SEMA5B: variants seen among roughly 807,000 people sequenced by gnomAD.
SEMA5B encodes the protein semaphorin 5B.
Under a neutral mutation model 135.0 loss-of-function variants are expected in SEMA5B, and 66 were observed. The observed-to-expected ratio is 0.49, with a 90% CI of 0.40 to 0.60. The LOEUF (loss-of-function observed/expected upper bound fraction) is 0.60, where lower values mean the gene tolerates loss of function less well. Among genes scored for constraint, SEMA5B ranks in the 20% least tolerant of loss-of-function variants. The pLI, the probability that SEMA5B is intolerant of heterozygous loss-of-function variation, is 0.00. For synonymous variants in SEMA5B, 690 were observed against 639.5 expected (o/e 1.08, Z -1.19); for missense variants, 1,501 against 1,566.3 (o/e 0.96, Z 0.70).
At chr3:122,942,997 G>T (rs1047565997) in intron 4 of SEMA5B, among the ~76,000 whole-genome samples, 1 of 152,240 alleles carries the variant, frequency 6.6e-6, no homozygotes, top group Non-Finnish European at 1.5e-5. Flanking sequence ...CCAAAGGTAG[G>T]TGAGGTCCTT....
At chr3:122,931,795 T>C (rs908027785) in intron 5 of SEMA5B, among the ~76,000 whole-genome samples, 2 of 152,192 alleles carry the variant, frequency 1.3e-5, no homozygotes, top group Non-Finnish European at 2.9e-5. Flanking sequence ...TCTGGATGCT[T>C]ATAGAATGAG....
At chr3:122,951,951 C>T (rs764807732) in intron 2 of SEMA5B, among the ~76,000 whole-genome samples, 10 of 152,184 alleles carry the variant, frequency 6.6e-5, no homozygotes, top group Non-Finnish European at 1.5e-4. Context: ...TGGAATAATA[C>T]CCATCACTGA....
At chr3:122,992,428 G>A (rs965156594) in intron 1 of SEMA5B, among the ~76,000 whole-genome samples, 6 of 152,210 alleles carry the variant, frequency 3.9e-5, no homozygotes, top group African/African-American at 1.2e-4. Context: ...TATGCAGCAA[G>A]AGTACAAGTG....
At chr3:122,941,585 T>C (rs1279456535) in intron 4 of SEMA5B, among the ~76,000 whole-genome samples, 1 of 152,258 alleles carries the variant, frequency 6.6e-6, no homozygotes, top group Non-Finnish European at 1.5e-5. Context: ...TTACTACCTT[T>C]ACTACATGCA....
chr3:122,932,672 G>A (rs1428907387), intron 5 of SEMA5B, among the ~76,000 whole-genome samples: 2 of 152,124 alleles, frequency 1.3e-5, no homozygotes, highest in Non-Finnish European at 2.9e-5. Flanking sequence ...CCTGTAAGCA[G>A]TGGTGGGCTC....
In SEMA5B at chr3:123,009,966, G is replaced by A. The variant is rs140513801; in HGVS notation, c.-39+17498C>T. ...GAGACGGCATGGTGATGCAGTACAG[G>A]CAGCACCAGGAGCTGAAGACAAAGG... On this transcript the variant is annotated intron_variant, in intron 1 of 22. Coordinates refer to ENST00000357599, the MANE Select transcript of SEMA5B (RefSeq NM_001031702.4). 3.3e-4 allele frequency among the ~76,000 whole-genome samples: 51 copies of A among 152,350 alleles called. No homozygotes were observed. In the East Asian group the frequency reaches 6.4e-3, roughly 19 times the overall value.
intron 1 of SEMA5B, among the ~76,000 whole-genome samples, chr3:122,973,547 C>T (rs1477583265): frequency 6.6e-6 from 1 of 152,172 alleles, no homozygotes; most frequent in Non-Finnish European, 1.5e-5. Flanking sequence ...ACACTGAGGC[C>T]AGTTCATCTG....
At chr3:122,954,455 T>C (rs903350230) in intron 2 of SEMA5B, among the ~76,000 whole-genome samples, 1 of 152,242 alleles carries the variant, frequency 6.6e-6, no homozygotes, top group Non-Finnish European at 1.5e-5. Context: ...CAACAGGCAT[T>C]GCCTCCTCAG....
Position 122,976,276 on chromosome 3 carries a change from T to C in SEMA5B, c.-38-14975A>G. The C allele has an allele frequency of 1.0e-5, 10 of 987,422 alleles. 2 individuals carry two copies. The South Asian group carries it at 1.7e-4, about 17-fold the overall frequency. 61.2% of individuals were successfully genotyped at this position (987,422 alleles called of 1,614,324 possible). A position where few individuals can be genotyped will look rare whatever the true frequency, so the allele number is the denominator to read the frequency against. On this transcript the variant is annotated intron_variant, in intron 1 of 22. Transcript: ENST00000357599. ...TTCTCAGGCCTCACCCCAGACCTAC[T>C]AGATCAGAAAGTCTGGGGGCAGGGC... is the stretch of plus-strand genomic sequence containing the variant.
intron 5 of SEMA5B, among the ~76,000 whole-genome samples, chr3:122,932,243 ATTTT>A (rs71136597): frequency 1.7e-3 from 142 of 85,374 alleles, no homozygotes; most frequent in Middle Eastern, 6.5e-3. Context: ...TCTCAATATG[ATTTT>A]TTTTTTTTTT....
rs1032974260 is a variant in SEMA5B, at chr3:122,996,814, C to T, written c.-39+30650G>A. Among the ~76,000 whole-genome samples the T allele has an allele frequency of 1.6e-4, 25 of 152,266 alleles. 1 individual carries two copies. The East Asian group carries it at 4.8e-3, about 29-fold the overall frequency. On this transcript the variant is annotated intron_variant, in intron 1 of 22. Coordinates refer to ENST00000357599, the MANE Select transcript of SEMA5B (RefSeq NM_001031702.4). ...CTGGGAAGGCAGCCCGAGTAGCGTT[C>T]GACCTGCCCAGCCCCCATGAGGAAT...
intron 1 of SEMA5B, among the ~76,000 whole-genome samples, chr3:123,018,726 T>G (rs1412579197): frequency 6.6e-6 from 1 of 152,170 alleles, no homozygotes; most frequent in Admixed American, 6.5e-5. Flanking sequence ...TTCTCCACTT[T>G]AAACAGTATC....
chr3:122,978,464 T>G (rs1941408380), intron 1 of SEMA5B, among the ~76,000 whole-genome samples: 1 of 152,316 alleles, frequency 6.6e-6, no homozygotes, highest in South Asian at 2.1e-4. Context: ...TACAAGCCCA[T>G]GATGACAGAG....
chr3:122,940,700 G>A (rs920065608), intron 4 of SEMA5B, among the ~76,000 whole-genome samples: 3 of 152,218 alleles, frequency 2.0e-5, no homozygotes, highest in African/African-American at 7.2e-5. Context: ...TCTCTTCCCA[G>A]CTCTGGCTCC....
At chr3:122,940,094 AC>A (rs1939487949) in intron 4 of SEMA5B, among the ~76,000 whole-genome samples, 1 of 152,008 alleles carries the variant, frequency 6.6e-6, no homozygotes, top group Non-Finnish European at 1.5e-5. Flanking sequence ...GACCCCATCC[AC>A]CACCTCACCA....
chr3:122,993,242 G>A (rs1941931356), intron 1 of SEMA5B: 1 of 152,348 alleles, frequency 6.6e-6, no homozygotes, highest in African/African-American at 2.4e-5. Context: ...TCACACTGCT[G>A]AGCCTCACTC....
intron 2 of SEMA5B, among the ~76,000 whole-genome samples, chr3:122,950,280 C>T (rs368251393): frequency 7.2e-5 from 11 of 152,282 alleles, no homozygotes; most frequent in Admixed American, 2.0e-4. Context: ...TGCAGTCTTC[C>T]GGTGAAGCAG....
At chr3:122,993,026 A>T (rs1423418278) in intron 1 of SEMA5B, 2 of 152,280 alleles carry the variant, frequency 1.3e-5, no homozygotes, top group African/African-American at 4.8e-5. Context: ...CCTGGGGCTG[A>T]TGAGGAGTTC....
chr3:122,910,998 C>G lies in SEMA5B; in HGVS notation c.3139G>C (p.Gly1047Arg). The G allele has an allele frequency of 6.2e-7, 1 of 1,613,810 alleles. No individual in the cohort carries two copies. The highest frequency in any genetic ancestry group is 8.5e-7 in the Non-Finnish European group (1 of 1,179,894). ...ACTGCTAGGGTCAGGAGCCCAGAGC[C>G]CAAGAAGCAGGAGATGCCCGTGGCC... ...LVATGISCFL[G>R]SGLLTLAVYL... is the part of the protein sequence containing the mutation. The change falls in exon 22 of 23, where the codon GGC becomes CGC. Residue 1047 changes from glycine (G) to arginine (R), a missense_variant. Physicochemically the swap from Gly to Arg is moderately radical, Grantham distance 125. Coordinates refer to ENST00000357599, the MANE Select transcript of SEMA5B (RefSeq NM_001031702.4).
Sources: gnomAD v4.1 joint callset for allele counts (sites outside exome capture counted in the v4.1 genomes callset) on GRCh38, gnomAD v4.1.1 for gene constraint, MANE v1.5 for transcripts, NCBI Gene and HGNC (gene_info 2026-07-23, HGNC 2026-07-21) for gene names.